Variants in CNTNAP2 observed in about 807,000 individuals in gnomAD.
CNTNAP2 encodes contactin associated protein 2, also known as contactin-associated protein-like 2.
CNTNAP2 carries 98 observed loss-of-function variants against 155.2 expected under a neutral mutation model. The observed-to-expected ratio is 0.63, with a 90% CI of 0.54 to 0.75. The LOEUF (loss-of-function observed/expected upper bound fraction) is 0.75, where lower values mean the gene tolerates loss of function less well. CNTNAP2 is among the 30% of genes least tolerant of loss of function. The pLI, the probability that CNTNAP2 is intolerant of heterozygous loss-of-function variation, is 0.00. For missense variants in CNTNAP2, 1,727 were observed against 1,688.1 expected (o/e 1.02, Z -0.40); for synonymous variants, 651 against 631.2 (o/e 1.03, Z -0.47).
At chr7:147,585,244 T>C (rs1471853969) in intron 12 of CNTNAP2, among the ~76,000 whole-genome samples, 1 of 152,078 alleles carries the variant, frequency 6.6e-6, no homozygotes, top group Non-Finnish European at 1.5e-5. Context: ...AGTGTATTAC[T>C]TTTTCAAGTA....
chr7:146,599,830 A>AAT (rs1313209221), intron 1 of CNTNAP2, among the ~76,000 whole-genome samples: 5 of 96,386 alleles, frequency 5.2e-5, no homozygotes, highest in Non-Finnish European at 2.1e-5. Context: ...CAATGCCTAG[A>AAT]ATATAAGACA....
In CNTNAP2 at chr7:146,811,095, C is replaced by A. The variant is rs372543322; in HGVS notation, c.209-28616C>A. Among the ~76,000 whole-genome samples the A allele has an allele frequency of 5.3e-5, 8 of 152,198 alleles. No homozygotes were observed. The South Asian group carries it at 1.7e-3, about 32-fold the overall frequency. ...ATTAGAAGTATTGGCCAGTGATTTTCTTTTCTTGTAGCATCCTTATCTGGC... is the reference window on the plus strand; with the variant it reads ...ATTAGAAGTATTGGCCAGTGATTTTATTTTCTTGTAGCATCCTTATCTGGC... On this transcript the variant is annotated intron_variant, in intron 2 of 23. Transcript: ENST00000361727.
intron 13 of CNTNAP2, among the ~76,000 whole-genome samples, chr7:147,877,875 A>G (rs1799449006): frequency 1.3e-5 from 2 of 152,334 alleles, no homozygotes; most frequent in South Asian, 2.1e-4. Flanking sequence ...AATCATTTAA[A>G]TTGGCAGACA....
chr7:148,143,263 C>A (rs1421520144), intron 16 of CNTNAP2, among the ~76,000 whole-genome samples: 1 of 152,138 alleles, frequency 6.6e-6, no homozygotes, highest in Non-Finnish European at 1.5e-5. Context: ...GTGAAAAGAC[C>A]AAACAGCTGA....
chr7:147,920,269 TC>T (rs914427410), intron 14 of CNTNAP2, among the ~76,000 whole-genome samples: 5 of 144,480 alleles, frequency 3.5e-5, no homozygotes, highest in Non-Finnish European at 6.0e-5. Flanking sequence ...GGCAGGAGAA[TC>T]ACTTGAACCT....
At chr7:148,005,329 G>A (rs528690308) in intron 15 of CNTNAP2, among the ~76,000 whole-genome samples, 2 of 152,204 alleles carry the variant, frequency 1.3e-5, no homozygotes, top group African/African-American at 4.8e-5. Context: ...AATCCCCAAA[G>A]GCCCCCCTTC....
At chr7:148,316,902 C>G (rs766150760) in intron 21 of CNTNAP2, among the ~76,000 whole-genome samples, 1 of 152,210 alleles carries the variant, frequency 6.6e-6, no homozygotes, top group East Asian at 1.9e-4. Context: ...GTGGAGCTGC[C>G]ATTCCCAATC....
At chr7:147,413,117 A>G (rs1797131457) in intron 10 of CNTNAP2, among the ~76,000 whole-genome samples, 1 of 152,192 alleles carries the variant, frequency 6.6e-6, no homozygotes, top group Non-Finnish European at 1.5e-5. Context: ...AAGTGCATAC[A>G]TCGGAAAAGA....
chr7:147,804,233 TA>T (rs1798053743), intron 13 of CNTNAP2, among the ~76,000 whole-genome samples: 1 of 152,218 alleles, frequency 6.6e-6, no homozygotes, highest in Admixed American at 6.5e-5. Flanking sequence ...TCTGTTTTCA[TA>T]AATTGATAAT....
intron 20 of CNTNAP2, among the ~76,000 whole-genome samples, chr7:148,239,990 C>A (rs1166745003): frequency 6.6e-6 from 1 of 152,198 alleles, no homozygotes; most frequent in Non-Finnish European, 1.5e-5. Context: ...CCCCTGCCTA[C>A]CACTAAACCC....
intron 1 of CNTNAP2, among the ~76,000 whole-genome samples, chr7:146,313,231 C>T (rs568311093): frequency 5.3e-5 from 8 of 152,294 alleles, no homozygotes; most frequent in East Asian, 1.9e-4. Context: ...TGGCATCAGT[C>T]GTTTTGATAA....
At chr7:147,877,034 G>T (rs943589570) in intron 13 of CNTNAP2, among the ~76,000 whole-genome samples, 1 of 152,126 alleles carries the variant, frequency 6.6e-6, no homozygotes, top group African/African-American at 2.4e-5. Context: ...GGGGCTGTTT[G>T]TCATTGGGAA....
chr7:146,844,014 A>G lies in CNTNAP2; in HGVS notation c.402+4110A>G, dbSNP rs1484458646. Among the ~76,000 whole-genome samples, 9 of 151,288 alleles carry G rather than the reference A, an allele frequency of 5.9e-5. No homozygotes were observed. The South Asian group carries it at 1.9e-3, about 31-fold the overall frequency. ...TGAATATAATTTTAAACAAATGTCC[A>G]TGGTTATGTTTTTCTGATTGTTGGG... On this transcript the variant is annotated intron_variant, in intron 3 of 23. Coordinates refer to ENST00000361727, the MANE Select transcript of CNTNAP2 (RefSeq NM_014141.6).
At chr7:147,168,664 CTA>C (rs1802168863) in intron 8 of CNTNAP2, among the ~76,000 whole-genome samples, 1 of 151,970 alleles carries the variant, frequency 6.6e-6, no homozygotes, top group African/African-American at 2.4e-5. Context: ...TTTTCCATTG[CTA>C]TCATATTAGG....
chr7:147,944,835 T>C (rs1486892573), intron 14 of CNTNAP2, among the ~76,000 whole-genome samples: 1 of 152,214 alleles, frequency 6.6e-6, no homozygotes, highest in Admixed American at 6.5e-5. Flanking sequence ...GGCTGAGTTA[T>C]GTTTATACCT....
intron 1 of CNTNAP2, among the ~76,000 whole-genome samples, chr7:146,264,468 A>G (rs916298005): frequency 4.0e-5 from 6 of 148,606 alleles, no homozygotes; most frequent in Non-Finnish European, 6.0e-5. Context: ...AAAAAAAAAG[A>G]AAGAAAGAAA....
At chr7:148,258,216 G>A (rs533331703) in intron 20 of CNTNAP2, among the ~76,000 whole-genome samples, 8 of 152,198 alleles carry the variant, frequency 5.3e-5, no homozygotes, top group Non-Finnish European at 7.3e-5. Flanking sequence ...GTTATGCCAC[G>A]CTCCTGGGGC....
chr7:147,318,796 C>T (rs959508743), intron 9 of CNTNAP2, among the ~76,000 whole-genome samples: 17 of 152,024 alleles, frequency 1.1e-4, no homozygotes, highest in African/African-American at 1.2e-4. Flanking sequence ...TAAACCTGCA[C>T]GTTCTGCACA....
rs144364173 is a variant in CNTNAP2 at position 147,047,417 on chromosome 7, C to T, written c.550+3363C>T. Among the ~76,000 whole-genome samples the T allele has an allele frequency of 2.7e-3, 416 of 151,672 alleles. 1 individual carries two copies. Among genetic ancestry groups the T allele is most frequent in the African/African-American group, 9.2e-3 (382 of 41,388 alleles). ...AAAGAGGTTATGCTTATTGGTCATA[C>T]GTATACCTTTTTTTTAAGTGTTCAA... On this transcript the variant is annotated intron_variant, in intron 4 of 23. Transcript: ENST00000361727.
Sources: allele counts gnomAD v4.1 joint callset (sites outside exome capture counted in the v4.1 genomes callset), GRCh38; gene constraint gnomAD v4.1.1; transcripts MANE v1.5; gene names NCBI Gene and HGNC (gene_info 2026-07-23, HGNC 2026-07-21).